The following ALLC variants were observed in gnomAD, a reference collection of about 807,000 sequenced individuals.
ALLC encodes probable inactive allantoicase.
Under a neutral mutation model 45.0 loss-of-function variants are expected in ALLC, and 40 were observed. That is an observed-to-expected ratio of 0.89 (90% CI 0.69 to 1.16). The LOEUF is 1.16. ALLC is among the 50% of genes most tolerant of loss of function. The pLI is 0.00. For missense variants in ALLC, 488 were observed against 493.1 expected (o/e 0.99, Z 0.10); for synonymous variants, 176 against 178.1 (o/e 0.99, Z 0.09).
chr2:3,679,125 T>G (rs1280334662), intron 4 of ALLC, among the ~76,000 whole-genome samples: 1 of 152,208 alleles, frequency 6.6e-6, no homozygotes, highest in Admixed American at 6.5e-5. Context: ...AGGCATTAGG[T>G]TGATAATTGG....
intron 1 of ALLC, among the ~76,000 whole-genome samples, chr2:3,661,228 A>G (rs1296276790): frequency 6.6e-6 from 1 of 152,132 alleles, no homozygotes; most frequent in African/African-American, 2.4e-5. Flanking sequence ...ACAGATATGG[A>G]GCTATAGAGT....
intron 7 of ALLC, chr2:3,694,755 C>T (rs1667615790): frequency 6.6e-6 from 1 of 152,090 alleles, no homozygotes; most frequent in South Asian, 2.1e-4. Context: ...AAAAAATTTT[C>T]AGATCACTCA....
chr2:3,683,145 A>T, intron 7 of ALLC, 71 bp downstream of exon 7: 3 of 1,478,418 alleles, frequency 2.0e-6, no homozygotes, highest in Non-Finnish European at 1.8e-6. Context: ...TATAAAATAT[A>T]AAATGACTTG....
At chr2:3,661,704 G>A (rs765493548) in intron 1 of ALLC, among the ~76,000 whole-genome samples, 1 of 152,224 alleles carries the variant, frequency 6.6e-6, no homozygotes, top group Non-Finnish European at 1.5e-5. Context: ...GGTGGTGACT[G>A]ATAACTCTTC....
chr2:3,668,577 T>G (rs1666787242), intron 1 of ALLC, among the ~76,000 whole-genome samples: 1 of 131,078 alleles, frequency 7.6e-6, no homozygotes, highest in Non-Finnish European at 1.6e-5. Context: ...TTTTTTTTTT[T>G]TTTTTTTTTT....
chr2:3,653,116 G>A, the ALLC span, among the ~76,000 whole-genome samples: 1 of 152,188 alleles, frequency 6.6e-6, no homozygotes, highest in Non-Finnish European at 1.5e-5. The surrounding 1 kb of genome is among the most constrained non-coding windows in gnomAD (Gnocchi z 4.1). Flanking sequence ...CAGGGTGGCA[G>A]CAGCATTTTG....
chr2:3,645,855 C>A, the ALLC span, among the ~76,000 whole-genome samples: 1 of 151,994 alleles, frequency 6.6e-6, no homozygotes, highest in Non-Finnish European at 1.5e-5. This position sits in a 1 kb window ranked among gnomAD's most constrained non-coding sequence, Gnocchi z 4.3. Context: ...CATTCCCTCC[C>A]AGCTGGTGTT....
rs1378920384 is a variant in ALLC, at chr2:3,678,381, C to A, written c.85-87C>A. The A allele has an allele frequency of 2.6e-6, 3 of 1,161,256 alleles. No homozygotes were observed. In the East Asian group the frequency reaches 7.1e-5, roughly 28 times the overall value. 71.9% of individuals were successfully genotyped at this position (1,161,256 alleles called of 1,614,324 possible). A position where few individuals can be genotyped will look rare whatever the true frequency, so the allele number is the denominator to read the frequency against. ...CTAGACCCCGGTTTGCACCGTTCCT[C>A]TGGCACTGTGGGACAGAAGTGGACT... On this transcript the variant is annotated intron_variant, in intron 3 of 11. Transcript: ENST00000252505.
Position 3,690,869 on chromosome 2 carries a change from G to A in ALLC, c.512-4848G>A, listed in dbSNP as rs533179561. ...GAGTGAATTACACACTATAATTACA[G>A]TGTTGGAGTATTCTGAGTTCGTTAA... On this transcript the variant is annotated intron_variant, in intron 7 of 11. Transcript: ENST00000252505. 2.0e-3 allele frequency among the ~76,000 whole-genome samples: 304 copies of A among 152,084 alleles called. 3 individuals carry two copies. Among genetic ancestry groups the A allele is most frequent in the African/African-American group, 6.9e-3 (286 of 41,498 alleles).
the ALLC span, among the ~76,000 whole-genome samples, chr2:3,647,067 C>T: frequency 6.6e-6 from 1 of 152,090 alleles, no homozygotes; most frequent in South Asian, 2.1e-4. Context: ...GCCCCCGCAC[C>T]CCTCATCCCC....
intron 7 of ALLC, among the ~76,000 whole-genome samples, chr2:3,691,408 C>T (rs963391564): frequency 1.3e-5 from 2 of 152,006 alleles, no homozygotes; most frequent in Non-Finnish European, 2.9e-5. Context: ...TGCACACCAC[C>T]ATGCCTGGCT....
intron 7 of ALLC, among the ~76,000 whole-genome samples, chr2:3,691,654 T>A (rs1667521759): frequency 6.6e-6 from 1 of 152,242 alleles, no homozygotes; most frequent in African/African-American, 2.4e-5. Flanking sequence ...AGGATATTTA[T>A]GTCTTTATCA....
chr2:3,702,639 C>T lies in ALLC; in HGVS notation c.*76C>T, dbSNP rs1344189526. The T allele has an allele frequency of 7.2e-7, 1 of 1,390,448 alleles. No homozygotes were observed. Among genetic ancestry groups the T allele is most frequent in the Non-Finnish European group, 9.6e-7 (1 of 1,043,450 alleles). 86.1% of individuals were successfully genotyped at this position (1,390,448 alleles called of 1,614,324 possible). On this transcript the variant is annotated 3_prime_UTR_variant, in exon 12 of 12. Coordinates refer to ENST00000252505, the MANE Select transcript of ALLC (RefSeq NM_018436.4). The stretch of plus-strand genomic sequence containing the variant: ...GTCTTCTTTTCAAATGTTTTGAACA[C>T]CTGGTGATTTAATAAAGTGGTCGTC...
At chr2:3,668,877 T>C (rs1045364219) in intron 1 of ALLC, among the ~76,000 whole-genome samples, 1 of 150,842 alleles carries the variant, frequency 6.6e-6, no homozygotes, top group Non-Finnish European at 1.5e-5. Flanking sequence ...CGCCTGGCCA[T>C]GTGTATGACT....
the ALLC span, among the ~76,000 whole-genome samples, chr2:3,651,163 G>A: frequency 6.6e-6 from 1 of 152,052 alleles, no homozygotes; most frequent in East Asian, 1.9e-4. Flanking sequence ...GCCCGGCGGT[G>A]GCGGCGGATC....
At chr2:3,701,374 ATACC>A in intron 10 of ALLC, 134 bp from the exon 11 acceptor site, 1 of 1,062,880 alleles carries the variant, frequency 9.4e-7, no homozygotes, top group Non-Finnish European at 1.3e-6. Context: ...CACATACTTC[ATACC>A]TTTGCTTTTG....
upstream of ALLC, among the ~76,000 whole-genome samples, chr2:3,657,560 G>A (rs551559613): frequency 3.9e-5 from 6 of 152,300 alleles, no homozygotes; most frequent in African/African-American, 1.4e-4. Context: ...AGCTTGCCCC[G>A]CAGGGTGGCT....
intron 1 of ALLC, among the ~76,000 whole-genome samples, chr2:3,663,957 G>A (rs971622929): frequency 1.9e-4 from 29 of 152,318 alleles, no homozygotes; most frequent in Non-Finnish European, 3.1e-4. Context: ...TGAAGAACTG[G>A]ATTTTGAATG....
intron 7 of ALLC, among the ~76,000 whole-genome samples, chr2:3,684,824 G>A (rs962213199): frequency 4.0e-5 from 6 of 151,712 alleles, no homozygotes; most frequent in African/African-American, 1.2e-4. Flanking sequence ...CACATAGTAG[G>A]TATATATATA....
Sources: allele counts gnomAD v4.1 joint callset (sites outside exome capture counted in the v4.1 genomes callset), GRCh38; gene constraint gnomAD v4.1.1; non-coding constraint Gnocchi (gnomAD v3.1); transcripts MANE v1.5; gene names NCBI Gene and HGNC (gene_info 2026-07-23, HGNC 2026-07-21).